The following SEMA6D variants were observed in gnomAD, a reference collection of about 807,000 sequenced individuals.
SEMA6D encodes semaphorin-6D.
In SEMA6D, 35 loss-of-function variants were observed where a neutral mutation model predicts 106.6. The ratio of observed to expected loss-of-function variants is 0.33; its 90% CI spans 0.25 to 0.44. The LOEUF is 0.44. Among genes scored for constraint, SEMA6D ranks in the 20% least tolerant of loss-of-function variants. The pLI, the probability that SEMA6D is intolerant of heterozygous loss-of-function variation, is 1.00. For synonymous variants in SEMA6D, 499 were observed against 487.7 expected (o/e 1.02, Z -0.31); for missense variants, 1,185 against 1,345.9 (o/e 0.88, Z 1.87).
chr15:47,212,021 TAAG>T (rs1286699271), intron 1 of SEMA6D, among the ~76,000 whole-genome samples: 1 of 152,098 alleles, frequency 6.6e-6, no homozygotes, highest in African/African-American at 2.4e-5. Context: ...GAGATAATGT[TAAG>T]GAGGCCAGGA....
intron 4 of SEMA6D, among the ~76,000 whole-genome samples, chr15:47,666,731 C>G (rs1461133556): frequency 6.6e-6 from 1 of 152,110 alleles, no homozygotes; most frequent in Non-Finnish European, 1.5e-5. Flanking sequence ...GTTCTTTCTC[C>G]CTATTCTTTA....
At chr15:47,314,632 A>G (rs1047216930) in intron 1 of SEMA6D, among the ~76,000 whole-genome samples, 1 of 145,688 alleles carries the variant, frequency 6.9e-6, no homozygotes, top group African/African-American at 2.5e-5. Context: ...TTCTTTGTAT[A>G]TTTTGGGTAA....
intron 1 of SEMA6D, among the ~76,000 whole-genome samples, chr15:47,399,978 A>T (rs769131409): frequency 6.6e-6 from 1 of 152,166 alleles, no homozygotes; most frequent in African/African-American, 2.4e-5. Context: ...TTAAATAAGA[A>T]TAGTTAGAGT....
chr15:47,275,648 A>G (rs915890102), intron 1 of SEMA6D, among the ~76,000 whole-genome samples: 1 of 152,078 alleles, frequency 6.6e-6, no homozygotes, highest in African/African-American at 2.4e-5. Context: ...CTGCTCCACC[A>G]ACCTGCTATT....
intron 3 of SEMA6D, among the ~76,000 whole-genome samples, chr15:47,577,644 A>C (rs2076179047): frequency 6.6e-6 from 1 of 152,214 alleles, no homozygotes; most frequent in Admixed American, 6.5e-5. Flanking sequence ...TGGTGGGAGT[A>C]GGCAGGGAGA....
intron 1 of SEMA6D, among the ~76,000 whole-genome samples, chr15:47,316,402 A>T (rs1330739352): frequency 6.6e-6 from 1 of 151,878 alleles, no homozygotes; most frequent in Non-Finnish European, 1.5e-5. Context: ...TCCTTTTCTT[A>T]TCTTATTGCC....
chr15:47,385,062 T>C (rs1382238014), intron 1 of SEMA6D, among the ~76,000 whole-genome samples: 2 of 147,290 alleles, frequency 1.4e-5, no homozygotes, highest in Non-Finnish European at 3.0e-5. Context: ...TTTTTTTTTT[T>C]TTTACCATAG....
intron 1 of SEMA6D, among the ~76,000 whole-genome samples, chr15:47,326,425 G>T (rs1482099368): frequency 6.6e-6 from 1 of 152,196 alleles, no homozygotes; most frequent in Admixed American, 6.5e-5. Flanking sequence ...TGTTCAAAAG[G>T]TGTTGCTTTT....
chr15:47,196,465 G>A (rs1894367285), intron 1 of SEMA6D, among the ~76,000 whole-genome samples: 1 of 152,028 alleles, frequency 6.6e-6, no homozygotes, highest in Non-Finnish European at 1.5e-5. Flanking sequence ...TCTTTAAAGA[G>A]GAAAAAAGAC....
intron 1 of SEMA6D, among the ~76,000 whole-genome samples, chr15:47,201,588 G>A (rs1595732288): frequency 6.6e-6 from 1 of 152,098 alleles, no homozygotes; most frequent in East Asian, 1.9e-4. Context: ...AGTAGGGACA[G>A]GGCTTGGCTT....
At chr15:47,508,556 A>G (rs569754004) in intron 3 of SEMA6D, among the ~76,000 whole-genome samples, 2 of 152,344 alleles carry the variant, frequency 1.3e-5, no homozygotes, top group Non-Finnish European at 2.9e-5. Context: ...TTTAAAAGCA[A>G]TTTCAATCTG....
At chr15:47,646,181 G>T (rs1182628155) in intron 4 of SEMA6D, among the ~76,000 whole-genome samples, 1 of 152,060 alleles carries the variant, frequency 6.6e-6, no homozygotes, top group African/African-American at 2.4e-5. Context: ...CAGTCTTTCT[G>T]GTGACCAGCC....
chr15:47,351,948 ATAAAAT>A (rs1181826127), intron 1 of SEMA6D, among the ~76,000 whole-genome samples: 2 of 152,218 alleles, frequency 1.3e-5, no homozygotes, highest in Non-Finnish European at 2.9e-5. Flanking sequence ...TTCTAAGAGA[ATAAAAT>A]TAAAAGAGGA....
intron 1 of SEMA6D, among the ~76,000 whole-genome samples, chr15:47,254,329 G>GTATATATATATATATATA (rs201817469): frequency 9.0e-5 from 12 of 132,660 alleles, no homozygotes; most frequent in Non-Finnish European, 2.0e-4. Flanking sequence ...ATGTGTGTGT[G>GTATATATATATATATATA]TGTATATATA....
At chr15:47,323,606 G>A (rs764347540) in intron 1 of SEMA6D, among the ~76,000 whole-genome samples, 2 of 152,106 alleles carry the variant, frequency 1.3e-5, no homozygotes, top group Non-Finnish European at 2.9e-5. Context: ...TCTGGTCATG[G>A]ATTCTATCTG....
At chr15:47,526,557 C>A (rs2142003897) in intron 3 of SEMA6D, among the ~76,000 whole-genome samples, 1 of 152,228 alleles carries the variant, frequency 6.6e-6, no homozygotes, top group East Asian at 1.9e-4. Context: ...TTCAGCAATG[C>A]CTGCTAGAAC....
chr15:47,318,905 T>A (rs2036807330), intron 1 of SEMA6D, among the ~76,000 whole-genome samples: 1 of 151,836 alleles, frequency 6.6e-6, no homozygotes, highest in Non-Finnish European at 1.5e-5. Flanking sequence ...GTGTTCCTAT[T>A]TCTCCACATC....
At chr15:47,467,869 A>G (rs1023301863) in intron 2 of SEMA6D, among the ~76,000 whole-genome samples, 3 of 152,080 alleles carry the variant, frequency 2.0e-5, no homozygotes, top group African/African-American at 7.2e-5. Context: ...TCCTTCCCCT[A>G]CTAGTAATGT....
chr15:47,702,135 T>C (rs1257019033), intron 4 of SEMA6D, among the ~76,000 whole-genome samples: 1 of 152,222 alleles, frequency 6.6e-6, no homozygotes, highest in Non-Finnish European at 1.5e-5. Flanking sequence ...CTGATGGTCA[T>C]ACTTGGCTGA....
Sources: allele counts gnomAD v4.1 joint callset (sites outside exome capture counted in the v4.1 genomes callset), GRCh38; gene constraint gnomAD v4.1.1; transcripts MANE v1.5; gene names NCBI Gene and HGNC (gene_info 2026-07-23, HGNC 2026-07-21).